The following AXIN1 variants were observed in gnomAD, a reference collection of about 807,000 sequenced individuals.
AXIN1 encodes the protein axin-1.
Under a neutral mutation model 76.4 loss-of-function variants are expected in AXIN1, and 30 were observed. The ratio of observed to expected loss-of-function variants is 0.39; its 90% confidence interval spans 0.29 to 0.53. The LOEUF is 0.53. Ranked by LOEUF, AXIN1 falls within the 20% of genes least tolerant of loss-of-function variation. The probability of loss-of-function intolerance (pLI) is 0.66; values close to 1 mark genes in which losing one functional copy is unlikely to be tolerated. For missense variants in AXIN1, 1,140 were observed against 1,198.8 expected (o/e 0.95, Z 0.72); for synonymous variants, 545 against 501.4 (o/e 1.09, Z -1.16).
At chr16:290,322 G>C (rs1268007379) in intron 9 of AXIN1, 1 of 156,748 alleles carries the variant, frequency 6.4e-6, no homozygotes, top group East Asian at 1.9e-4. Flanking sequence ...GCCAACACCA[G>C]GGCAGGAAGG....
At chr16:326,313 C>G (rs1753886129) in intron 2 of AXIN1, among the ~76,000 whole-genome samples, 1 of 136,714 alleles carries the variant, frequency 7.3e-6, no homozygotes, top group Non-Finnish European at 1.5e-5. Context: ...ACAATCACAC[C>G]ACTGCACTCC....
At chr16:292,533 C>T (rs1211544278) in intron 8 of AXIN1, 2 of 152,214 alleles carry the variant, frequency 1.3e-5, no homozygotes, top group African/African-American at 4.8e-5. Context: ...AAGCTGGAGG[C>T]CCGGGAGGCG....
Position 293,008 on chromosome 16 carries a change from C to G in AXIN1, c.2186+480G>C. ...AGGGCTGTGGGCTGGACGTCCAGGA[C>G]GACACTTCTACATCTGCACGGCTTT... On this transcript the variant is annotated intron_variant, in intron 8 of 10. Coordinates refer to ENST00000262320, the MANE Select transcript of AXIN1 (RefSeq NM_003502.4). The surrounding 1 kb of genome is among the most constrained non-coding windows in gnomAD (Gnocchi z 4.6). 1 of 174,042 alleles carries G rather than the reference C, an allele frequency of 5.7e-6. No homozygotes were observed. Among genetic ancestry groups the G allele is most frequent in the East Asian group, 1.5e-4 (1 of 6,700 alleles). The allele number at this position is 174,042 out of a possible 1,614,324, so 10.8% of individuals were successfully genotyped here.
At position 297,919 on chromosome 16, in the gene AXIN1, C is replaced by T. The variant is rs756820686; in HGVS notation, c.1587G>A (p.Leu529=). The change falls in exon 6 of 11, where the codon CTG becomes CTA. Residue 529 remains leucine (L), a synonymous_variant. Coordinates refer to ENST00000262320, the MANE Select transcript of AXIN1 (RefSeq NM_003502.4). ...GGTGGTGGACGTGTCGGTGGTGGTG[C>T]AGGCCGGCCGCGTCCAGCTTCGCCC... The part of the protein sequence containing the change: ...KSGAKLDAAG[L]HHHRHVHHHV... 26 of 1,597,322 alleles carry T rather than the reference C, an allele frequency of 1.6e-5. No individual in the cohort carries two copies. The highest frequency in any genetic ancestry group is 2.2e-5 in the Non-Finnish European group (26 of 1,171,502).
chr16:323,510 G>A (rs569226011), intron 2 of AXIN1, among the ~76,000 whole-genome samples: 2 of 151,176 alleles, frequency 1.3e-5, no homozygotes, highest in African/African-American at 2.4e-5. Context: ...GGCGGGGCAC[G>A]GTGGCTCAAA....
chr16:322,768 G>A (rs899586064), intron 2 of AXIN1, among the ~76,000 whole-genome samples: 1 of 152,206 alleles, frequency 6.6e-6, no homozygotes, highest in South Asian at 2.1e-4. Flanking sequence ...GGACGGATGA[G>A]TGCATCCTTT....
chr16:299,552 AC>A (rs2052811764), intron 5 of AXIN1, among the ~76,000 whole-genome samples: 1 of 151,856 alleles, frequency 6.6e-6, no homozygotes, highest in African/African-American at 2.4e-5. Context: ...ACGGGGTTTC[AC>A]CATGTTGGCC....
At position 288,585 on chromosome 16, in the gene AXIN1, G is replaced by A. The variant is rs995505572; in HGVS notation, c.2463-337C>T. Among the ~76,000 whole-genome samples the A allele has an allele frequency of 4.6e-5, 7 of 152,366 alleles. No individual in the cohort carries two copies. In the East Asian group the frequency reaches 1.2e-3, roughly 25 times the overall value. On this transcript the variant is annotated intron_variant, in intron 10 of 10. Coordinates refer to ENST00000262320, the MANE Select transcript of AXIN1 (RefSeq NM_003502.4). Reference sequence around the variant, plus strand: ...AAGGGCTGAGCCCCGTCATGGAGGTGACCCCAACTGGGGCCCTCCCTCAGC... The same window carrying A: ...AAGGGCTGAGCCCCGTCATGGAGGTAACCCCAACTGGGGCCCTCCCTCAGC...
chr16:342,926 C>G (rs2053958423), intron 2 of AXIN1, among the ~76,000 whole-genome samples: 1 of 152,196 alleles, frequency 6.6e-6, no homozygotes, highest in Non-Finnish European at 1.5e-5. Context: ...TCCACGACTT[C>G]CAACCTAGTG....
chr16:330,211 C>A (rs1486386969), intron 2 of AXIN1, among the ~76,000 whole-genome samples: 3 of 151,990 alleles, frequency 2.0e-5, no homozygotes, highest in Non-Finnish European at 2.9e-5. Flanking sequence ...CAGGTGCATG[C>A]CACCACACTC....
intron 2 of AXIN1, 82 bp downstream of exon 2, chr16:346,066 C>A (rs1235056375): frequency 1.4e-6 from 2 of 1,432,916 alleles, no homozygotes; most frequent in Non-Finnish European, 1.9e-6. Flanking sequence ...GGTTAACGCC[C>A]GCCTCATCAG....
In AXIN1 at chr16:304,327, C is replaced by T. The variant is rs2141545355; in HGVS notation, c.1231G>A (p.Glu411Lys). The T allele has an allele frequency of 6.2e-7, 1 of 1,612,374 alleles. No homozygotes were observed. The highest frequency in any genetic ancestry group is 8.5e-7 in the Non-Finnish European group (1 of 1,179,846). ...RTREAEEKLEERLKRVRMEEE... is the reference protein window; with the variant it reads ...RTREAEEKLEKRLKRVRMEEE... Reference sequence around the variant, plus strand: ...ACCATGCGCACGCGCTTCAGCCGCTCCTCCAGCTTCTCCTCGGCCTCCCGC... The same window carrying T: ...ACCATGCGCACGCGCTTCAGCCGCTTCTCCAGCTTCTCCTCGGCCTCCCGC... Residue 411 changes from glutamate (E) to lysine (K), a missense_variant, in exon 5 of 11, where the codon GAG becomes AAG. Physicochemically the swap from Glu to Lys is moderately conservative, Grantham distance 56 (BLOSUM62 1). Coordinates refer to ENST00000262320, the MANE Select transcript of AXIN1 (RefSeq NM_003502.4).
chr16:312,754 A>G (rs1380884407), intron 3 of AXIN1, among the ~76,000 whole-genome samples: 1 of 152,272 alleles, frequency 6.6e-6, no homozygotes, highest in Non-Finnish European at 1.5e-5. Flanking sequence ...GCACTACCAC[A>G]GCTACCTGGG....
At chr16:289,929 T>C (rs540114919) in intron 9 of AXIN1, 200 of 486,696 alleles carry the variant, frequency 4.1e-4, no homozygotes, top group Middle Eastern at 2.9e-3. Flanking sequence ...GCAGGGCTCC[T>C]ATCTCAGGAA....
chr16:326,375 ATATAT>A (rs1567292845), intron 2 of AXIN1, among the ~76,000 whole-genome samples: 1,047 of 65,240 alleles, frequency 0.016, 11 homozygotes, highest in South Asian at 0.02. Context: ...AAAAAAAAAT[ATATAT>A]ATATATATAT....
rs2052727609 is a variant in AXIN1 at position 296,991 on chromosome 16, G to A, written c.1955+65C>T. 3 of 1,551,174 alleles carry A rather than the reference G, an allele frequency of 1.9e-6. No homozygotes were observed. The African/African-American group carries it at 4.1e-5, about 21-fold the overall frequency. ...CACACACTGAAGCTGCACACACTGA[G>A]ACTGTGCGGAGGCCAGGGGTGGCAA... is the stretch of plus-strand genomic sequence containing the variant. On this transcript the variant is annotated intron_variant, in intron 7 of 10. Coordinates refer to ENST00000262320, the MANE Select transcript of AXIN1 (RefSeq NM_003502.4).
At chr16:326,088 C>G (rs1338576530) in intron 2 of AXIN1, among the ~76,000 whole-genome samples, 1 of 152,044 alleles carries the variant, frequency 6.6e-6, no homozygotes, top group Admixed American at 6.6e-5. Context: ...GGCGTGGTGG[C>G]TCATGCCTGT....
At chr16:341,601 T>C (rs907443756) in intron 2 of AXIN1, among the ~76,000 whole-genome samples, 9 of 152,330 alleles carry the variant, frequency 5.9e-5, no homozygotes, top group East Asian at 3.9e-4. Context: ...CCCGGTCCCA[T>C]TGACCACCCA....
rs2053817958 is a variant in AXIN1 at position 336,959 on chromosome 16, C to T, written c.878+9189G>A. Reference sequence around the variant, plus strand: ...CGTCAGGAGATGGAGACCATGATGGCTAACACGGTGAAACCCCGTCTCTAC... The same window carrying T: ...CGTCAGGAGATGGAGACCATGATGGTTAACACGGTGAAACCCCGTCTCTAC... On this transcript the variant is annotated intron_variant, in intron 2 of 10. Transcript: ENST00000262320. Among the ~76,000 whole-genome samples the T allele has an allele frequency of 1.3e-5, 2 of 151,632 alleles. 1 individual carries two copies. The highest frequency in any genetic ancestry group is 4.2e-4 in the South Asian group (2 of 4,808).
Sources: gnomAD v4.1 joint callset for allele counts (sites outside exome capture counted in the v4.1 genomes callset) on GRCh38, gnomAD v4.1.1 for gene constraint, Gnocchi (gnomAD v3.1) non-coding constraint, MANE v1.5 for transcripts, NCBI Gene and HGNC (gene_info 2026-07-23, HGNC 2026-07-21) for gene names.